The following PTCHD4 variants were observed in gnomAD, a reference collection of about 807,000 sequenced individuals.
The protein encoded by PTCHD4 is patched domain containing 4, also known as patched domain-containing protein 4.
A neutral mutation model predicts 58.1 loss-of-function variants in PTCHD4; 33 were observed. The ratio of observed to expected loss-of-function variants is 0.57; its 90% CI spans 0.43 to 0.76. The LOEUF (loss-of-function observed/expected upper bound fraction) is 0.76. PTCHD4 is among the 30% of genes least tolerant of loss of function. The probability of loss-of-function intolerance (pLI) is 0.00; values close to 1 mark genes in which losing one functional copy is unlikely to be tolerated. For synonymous variants in PTCHD4, 478 were observed against 409.6 expected (o/e 1.17, Z -2.02); for missense variants, 1,058 against 1,027.1 (o/e 1.03, Z -0.41).
At chr6:48,028,571 T>C (rs1763331158) in intron 3 of PTCHD4, among the ~76,000 whole-genome samples, 1 of 152,150 alleles carries the variant, frequency 6.6e-6, no homozygotes, top group African/African-American at 2.4e-5. Flanking sequence ...TTTTTTTCTC[T>C]AAGTAACCGA....
At chr6:47,962,126 G>A (rs181165985) in intron 4 of PTCHD4, among the ~76,000 whole-genome samples, 3 of 152,194 alleles carry the variant, frequency 2.0e-5, no homozygotes, top group Admixed American at 2.0e-4. Context: ...AGAATATTAT[G>A]AAAAACTTCA....
At chr6:47,897,103 C>T (rs1325215103) in intron 4 of PTCHD4, among the ~76,000 whole-genome samples, 2 of 152,122 alleles carry the variant, frequency 1.3e-5, no homozygotes, top group African/African-American at 4.8e-5. Context: ...TGGAGATGAT[C>T]GTTCCCTACT....
At chr6:47,925,220 G>A (rs1170399001) in intron 4 of PTCHD4, among the ~76,000 whole-genome samples, 2 of 150,378 alleles carry the variant, frequency 1.3e-5, no homozygotes, top group East Asian at 3.9e-4. Context: ...TATGCTTTTT[G>A]TTACTGCTGG....
chr6:47,966,570 ATAG>A (rs1767304649), intron 4 of PTCHD4, among the ~76,000 whole-genome samples: 1 of 152,150 alleles, frequency 6.6e-6, no homozygotes. Context: ...ATGCTGTTTG[ATAG>A]CATTTTCCCC....
intron 4 of PTCHD4, among the ~76,000 whole-genome samples, chr6:47,928,289 A>G (rs145382842): frequency 3.8e-4 from 58 of 152,332 alleles, no homozygotes; most frequent in African/African-American, 1.3e-3. Flanking sequence ...CAACTTTAGC[A>G]GGAAAGAGTT....
intron 4 of PTCHD4, among the ~76,000 whole-genome samples, chr6:47,880,537 A>AG (rs1470294322): frequency 6.6e-6 from 1 of 151,896 alleles, no homozygotes; most frequent in Non-Finnish European, 1.5e-5. Flanking sequence ...TTTTTAAAAA[A>AG]AAAATCTGCC....
intron 3 of PTCHD4, among the ~76,000 whole-genome samples, chr6:48,050,126 A>G (rs1236304888): frequency 1.3e-5 from 2 of 152,004 alleles, no homozygotes; most frequent in Non-Finnish European, 2.9e-5. Flanking sequence ...CATCATAATA[A>G]AGAGAAATAG....
intron 4 of PTCHD4, among the ~76,000 whole-genome samples, chr6:47,885,499 T>C (rs1452121851): frequency 1.3e-5 from 2 of 152,094 alleles, no homozygotes; most frequent in East Asian, 3.8e-4. Context: ...GTCGTGCAGG[T>C]CTGCCAGAGT....
intron 4 of PTCHD4, among the ~76,000 whole-genome samples, chr6:47,949,736 A>G (rs1766562404): frequency 6.6e-6 from 1 of 151,952 alleles, no homozygotes; most frequent in Non-Finnish European, 1.5e-5. Context: ...CCTCCTTACT[A>G]GCCTTGGGGT....
chr6:48,104,289 C>G (rs1194325980), intron 1 of PTCHD4, among the ~76,000 whole-genome samples: 2 of 152,082 alleles, frequency 1.3e-5, no homozygotes, highest in Non-Finnish European at 2.9e-5. Flanking sequence ...AGAGTGGAGG[C>G]CAATATTCAA....
At chr6:47,891,627 A>G (rs1764384115) in intron 4 of PTCHD4, among the ~76,000 whole-genome samples, 1 of 152,108 alleles carries the variant, frequency 6.6e-6, no homozygotes, top group Admixed American at 6.5e-5. Flanking sequence ...TCATAGAACT[A>G]CCCTCTCTTC....
intron 4 of PTCHD4, among the ~76,000 whole-genome samples, chr6:47,951,993 A>G (rs906502769): frequency 3.3e-5 from 5 of 152,182 alleles, no homozygotes. Flanking sequence ...GGAATATTTC[A>G]TTCCTGATTA....
At chr6:47,901,475 C>T (rs1764700460) in intron 4 of PTCHD4, 1 of 979,956 alleles carries the variant, frequency 1.0e-6, no homozygotes, top group Non-Finnish European at 1.2e-6. Context: ...TAAATTACAG[C>T]ACATCTAAAC....
chr6:47,893,447 A>G (rs1389117614), intron 4 of PTCHD4, among the ~76,000 whole-genome samples: 1 of 152,200 alleles, frequency 6.6e-6, no homozygotes, highest in African/African-American at 2.4e-5. Flanking sequence ...CTGGCTCCAT[A>G]TATTGAATAA....
At chr6:48,020,321 T>C (rs558133157) in intron 3 of PTCHD4, among the ~76,000 whole-genome samples, 2 of 152,232 alleles carry the variant, frequency 1.3e-5, no homozygotes, top group South Asian at 4.2e-4. Context: ...AATAAATTTT[T>C]CCCATACCTG....
rs1763793953 is a variant in PTCHD4, at chr6:47,874,410, A to AT, written c.*3892dup. Among the ~76,000 whole-genome samples, 1 of 151,794 alleles carries AT rather than the reference A, an allele frequency of 6.6e-6. No individual in the cohort carries two copies. The highest frequency in any genetic ancestry group is 6.6e-5 in the Admixed American group (1 of 15,186). On this transcript the variant is annotated 3_prime_UTR_variant, in exon 5 of 5. Coordinates refer to ENST00000339488, the MANE Select transcript of PTCHD4 (RefSeq NM_001384253.1). ...ATGTACTATTAATAACAAAGCATGC[A>AT]TAGTGCCGTGCATTCATAACTATTT...
chr6:47,883,232 A>AT (rs1158680951), intron 4 of PTCHD4, among the ~76,000 whole-genome samples: 7 of 152,118 alleles, frequency 4.6e-5, no homozygotes, highest in African/African-American at 1.7e-4. Context: ...CCAGAAAGTC[A>AT]TTTTCACTTA....
intron 4 of PTCHD4, among the ~76,000 whole-genome samples, chr6:47,929,678 C>A (rs1158617691): frequency 6.6e-6 from 1 of 152,174 alleles, no homozygotes; most frequent in Non-Finnish European, 1.5e-5. Flanking sequence ...TGAATCATTG[C>A]CTGAGAAGCA....
At chr6:47,940,278 A>C (rs1343365523) in intron 4 of PTCHD4, among the ~76,000 whole-genome samples, 2 of 152,162 alleles carry the variant, frequency 1.3e-5, no homozygotes, top group Admixed American at 1.3e-4. Flanking sequence ...ATTGAGTTTA[A>C]ATTATCTAGA....
Sources: gnomAD v4.1 joint callset for allele counts (sites outside exome capture counted in the v4.1 genomes callset) on GRCh38, gnomAD v4.1.1 for gene constraint, MANE v1.5 for transcripts, NCBI Gene and HGNC (gene_info 2026-07-23, HGNC 2026-07-21) for gene names.